The following LACTBL1 variants were observed in gnomAD, a reference collection of about 807,000 sequenced individuals.
LACTBL1 encodes the protein beta-lactamase-like protein 1.
LACTBL1 carries 29 observed loss-of-function variants against 39.6 expected under a neutral mutation model. The observed-to-expected ratio is 0.73, with a 90% confidence interval of 0.55 to 1.00. The LOEUF is 1.00. Among genes scored for constraint, LACTBL1 ranks in the 50% least tolerant of loss-of-function variants. The probability of loss-of-function intolerance (pLI) is 0.00; values close to 1 mark genes in which losing one functional copy is unlikely to be tolerated. For synonymous variants in LACTBL1, 361 were observed against 360.7 expected (o/e 1.00, Z -0.01); for missense variants, 711 against 748.5 (o/e 0.95, Z 0.59).
At chr1:22,956,692 C>T (rs899031196) in intron 4 of LACTBL1, among the ~76,000 whole-genome samples, 6 of 152,282 alleles carry the variant, frequency 3.9e-5, no homozygotes, top group Non-Finnish European at 7.3e-5. Flanking sequence ...AATCCCTCCG[C>T]ACCTGCCTTG....
the LACTBL1 span, chr1:22,972,319 T>C: frequency 9.1e-6 from 9 of 985,136 alleles, no homozygotes; most frequent in African/African-American, 1.7e-5. Flanking sequence ...GTCTTCATTC[T>C]CTCCAAGGCA....
intron 1 of LACTBL1, among the ~76,000 whole-genome samples, chr1:22,964,680 A>G (rs567129163): frequency 6.6e-6 from 1 of 152,354 alleles, no homozygotes; most frequent in South Asian, 2.1e-4. Flanking sequence ...CATGGGTTTC[A>G]CAGAATAGGG....
chr1:22,966,527 A>C (rs181274824), upstream of LACTBL1, among the ~76,000 whole-genome samples: 260 of 152,344 alleles, frequency 1.7e-3, no homozygotes, highest in Middle Eastern at 0.048. Flanking sequence ...TTACAGAGAA[A>C]TATTATGAAC....
At chr1:22,965,386 ACTT>A (rs752212609), upstream of LACTBL1, 74 of 1,261,172 alleles carry the variant, frequency 5.9e-5, no homozygotes, top group South Asian at 6.5e-4. Flanking sequence ...GGGAGGAGCC[ACTT>A]CTTCTTCACT....
chr1:22,970,202 C>T (rs764023942), upstream of LACTBL1, among the ~76,000 whole-genome samples: 5 of 152,130 alleles, frequency 3.3e-5, no homozygotes, highest in African/African-American at 4.8e-5. Flanking sequence ...GGAAACAACC[C>T]AAATGCTCCT....
intron 2 of LACTBL1, among the ~76,000 whole-genome samples, chr1:22,961,717 T>G (rs1477978001): frequency 6.6e-6 from 1 of 151,862 alleles, no homozygotes; most frequent in Non-Finnish European, 1.5e-5. Context: ...TACATATCCT[T>G]GGCTGAGCTC....
intron 2 of LACTBL1, among the ~76,000 whole-genome samples, chr1:22,961,702 G>T (rs1257588058): frequency 6.6e-6 from 1 of 151,760 alleles, no homozygotes; most frequent in Non-Finnish European, 1.5e-5. Context: ...CTTGCCACGT[G>T]ATTTTACATA....
At chr1:22,957,640 CTTTTTTTTTTTTTTT>C (rs34603019) in intron 4 of LACTBL1, among the ~76,000 whole-genome samples, 1 of 56,640 alleles carries the variant, frequency 1.8e-5, no homozygotes, top group East Asian at 7.0e-4. Context: ...TCTTAATATT[CTTTTTTTTTTTTTTT>C]TTTTTTTTTT....
In LACTBL1 at chr1:22,953,351, C is replaced by CG. The variant is rs1415752556; in HGVS notation, c.1332dup (p.Ala445ArgfsTer?). On this transcript the variant is annotated frameshift_variant, in exon 6 of 6. Transcript: ENST00000426928. LOFTEE classifies it high-confidence loss of function. ...AGGCGCAGCTCGCCCGCCGGCCCGGCGCGCACCTCGTAGAAGGTCAGGTTG... is the reference window on the plus strand; with the variant it reads ...AGGCGCAGCTCGCCCGCCGGCCCGGCGGCGCACCTCGTAGAAGGTCAGGTTG... 6.5e-6 allele frequency: 8 copies of CG among 1,228,790 alleles called. No individual in the cohort carries two copies. The highest frequency in any genetic ancestry group is 8.1e-6 in the Non-Finnish European group (8 of 986,104). 76.1% of individuals were successfully genotyped at this position (1,228,790 alleles called of 1,614,324 possible).
At chr1:22,960,818 C>A (rs1640814534) in intron 2 of LACTBL1, among the ~76,000 whole-genome samples, 1 of 152,060 alleles carries the variant, frequency 6.6e-6, no homozygotes, top group Non-Finnish European at 1.5e-5. Context: ...CTCACCATGT[C>A]ACCCAGGCTA....
intron 4 of LACTBL1, 120 bp from the exon 7 acceptor site, chr1:22,955,546 T>A: frequency 1.5e-6 from 1 of 665,016 alleles, no homozygotes; most frequent in South Asian, 1.9e-5. Flanking sequence ...ATCAGTTTTT[T>A]AAAAAAGAAA....
chr1:22,970,972 C>T, the LACTBL1 span, among the ~76,000 whole-genome samples: 3 of 152,126 alleles, frequency 2.0e-5, no homozygotes, highest in Non-Finnish European at 2.9e-5. Context: ...ATGGAAGGCT[C>T]TCAGATATTG....
intron 1 of LACTBL1, among the ~76,000 whole-genome samples, chr1:22,963,825 G>A (rs894000557): frequency 1.3e-5 from 2 of 152,094 alleles, no homozygotes; most frequent in Non-Finnish European, 2.9e-5. Context: ...GAAGGGGGAT[G>A]AGCATCCTCC....
chr1:22,955,069 CA>C (rs1458766685), intron 5 of LACTBL1, among the ~76,000 whole-genome samples: 1 of 152,240 alleles, frequency 6.6e-6, no homozygotes, highest in Non-Finnish European at 1.5e-5. Context: ...ACCTTCTGGG[CA>C]AAGTAGGTGC....
exon 6 of LACTBL1, chr1:22,953,493 C>T: frequency 8.1e-7 from 1 of 1,230,652 alleles, no homozygotes; most frequent in Non-Finnish European, 1.0e-6. Flanking sequence ...CCCGCGCCAC[C>T]AGGTCGGGCC....
intron 5 of LACTBL1, 132 bp from the exon 8 acceptor site, chr1:22,954,156 C>T: frequency 7.0e-7 from 1 of 1,430,044 alleles, no homozygotes; most frequent in Non-Finnish European, 9.2e-7. Flanking sequence ...GGTGGTCAGA[C>T]CTGGAAGAGA....
At chr1:22,967,004 T>C (rs1052824830), upstream of LACTBL1, among the ~76,000 whole-genome samples, 3 of 152,112 alleles carry the variant, frequency 2.0e-5, no homozygotes, top group Non-Finnish European at 4.4e-5. Context: ...GAGGCCAAGA[T>C]GGGAGGATCA....
At chr1:22,958,868 C>T (rs1640788334) in exon 4 of LACTBL1, 7 of 1,550,538 alleles carry the variant, frequency 4.5e-6, no homozygotes, top group Non-Finnish European at 6.1e-6. Flanking sequence ...ATGCCCTCCT[C>T]CCACAGACGG....
At chr1:22,963,799 G>C (rs1640851000) in intron 1 of LACTBL1, among the ~76,000 whole-genome samples, 1 of 152,062 alleles carries the variant, frequency 6.6e-6, no homozygotes, top group Non-Finnish European at 1.5e-5. Context: ...CTTCCTCTAA[G>C]GCTGGAGTGG....
Sources: allele counts gnomAD v4.1 joint callset (sites outside exome capture counted in the v4.1 genomes callset), GRCh38; gene constraint gnomAD v4.1.1; transcripts MANE v1.5; gene names NCBI Gene and HGNC (gene_info 2026-07-23, HGNC 2026-07-21).